NCEH1: variants seen among roughly 807,000 people sequenced by gnomAD.
NCEH1 encodes neutral cholesterol ester hydrolase 1, also known as 2-acetyl MAGE hydrolase.
A neutral mutation model predicts 25.4 loss-of-function variants in NCEH1; 9 were observed. The observed-to-expected ratio is 0.35, with a 90% confidence interval of 0.21 to 0.62. The LOEUF (loss-of-function observed/expected upper bound fraction) is 0.62, where lower values mean the gene tolerates loss of function less well. Among genes scored for constraint, NCEH1 ranks in the 20% least tolerant of loss-of-function variants. The pLI is 0.72. For synonymous variants in NCEH1, 200 were observed against 199.8 expected, an observed-to-expected ratio of 1.00 and a Z score of -0.01; for missense variants, 412 against 501.1, an observed-to-expected ratio of 0.82 and a Z score of 1.70.
chr3:172,661,844 T>G (rs1018338047), intron 1 of NCEH1, among the ~76,000 whole-genome samples: 5 of 152,178 alleles, frequency 3.3e-5, no homozygotes, highest in Non-Finnish European at 7.3e-5. Flanking sequence ...CTTTGCTGAA[T>G]TTGCTTATCA....
intron 1 of NCEH1, among the ~76,000 whole-genome samples, chr3:172,709,164 G>GTACA (rs1714168187): frequency 1.3e-5 from 2 of 152,208 alleles, no homozygotes; most frequent in African/African-American, 4.8e-5. Context: ...TAATGGGCTG[G>GTACA]CAAGCCTAGC....
At chr3:172,664,369 C>T (rs1405854850) in intron 1 of NCEH1, among the ~76,000 whole-genome samples, 1 of 152,142 alleles carries the variant, frequency 6.6e-6, no homozygotes, top group Non-Finnish European at 1.5e-5. Flanking sequence ...GTAACCTGAC[C>T]TTTCTCTCTG....
intron 3 of NCEH1, among the ~76,000 whole-genome samples, chr3:172,645,410 A>G (rs569634962): frequency 1.1e-4 from 16 of 152,340 alleles, no homozygotes; most frequent in African/African-American, 3.4e-4. Context: ...CTAACGGTGA[A>G]AAGGTAATTT....
intron 3 of NCEH1, among the ~76,000 whole-genome samples, chr3:172,640,709 G>C (rs935545106): frequency 6.6e-6 from 1 of 152,048 alleles, no homozygotes; most frequent in Non-Finnish European, 1.5e-5. Flanking sequence ...GGGTTTCACC[G>C]TGTTAGCCAG....
At chr3:172,678,988 G>T (rs1289011617) in intron 1 of NCEH1, among the ~76,000 whole-genome samples, 2 of 152,174 alleles carry the variant, frequency 1.3e-5, no homozygotes, top group Non-Finnish European at 2.9e-5. Context: ...AAGGAGGCAG[G>T]GTCATTTATA....
intron 1 of NCEH1, among the ~76,000 whole-genome samples, chr3:172,661,836 T>C (rs2108506501): frequency 6.6e-6 from 1 of 152,356 alleles, no homozygotes; most frequent in Non-Finnish European, 1.5e-5. Context: ...TCCTGAGACT[T>C]TGCTGAATTT....
At chr3:172,668,566 G>A (rs9845794) in intron 1 of NCEH1, among the ~76,000 whole-genome samples, 36,900 of 151,118 alleles carry the variant, frequency 0.24, 6,972 homozygotes, top group African/African-American at 0.53. Context: ...TTCTCTCTCC[G>A]ACTGGAATAT....
chr3:172,651,828 G>C (rs1717418368), intron 1 of NCEH1, among the ~76,000 whole-genome samples: 1 of 152,022 alleles, frequency 6.6e-6, no homozygotes, highest in Admixed American at 6.6e-5. Context: ...CAAAATGCTG[G>C]GATTACAGGC....
chr3:172,694,107 T>A (rs1214797719), intron 1 of NCEH1, among the ~76,000 whole-genome samples: 1 of 152,126 alleles, frequency 6.6e-6, no homozygotes, highest in Non-Finnish European at 1.5e-5. Context: ...TTGGCCAGGA[T>A]GATCTCAAAC....
chr3:172,655,306 G>C (rs913307556), intron 1 of NCEH1, among the ~76,000 whole-genome samples: 2 of 152,194 alleles, frequency 1.3e-5, no homozygotes, highest in Admixed American at 6.5e-5. Flanking sequence ...TCCACCTAAG[G>C]AGATGGAAGG....
intron 1 of NCEH1, among the ~76,000 whole-genome samples, chr3:172,688,294 C>T (rs1712812646): frequency 7.6e-6 from 1 of 132,234 alleles, no homozygotes; most frequent in Non-Finnish European, 1.5e-5. Flanking sequence ...CACGTCACTG[C>T]ACTCCAGCCT....
intron 1 of NCEH1, among the ~76,000 whole-genome samples, chr3:172,650,551 A>C (rs1327854993): frequency 6.6e-6 from 1 of 151,534 alleles, no homozygotes; most frequent in Non-Finnish European, 1.5e-5. Context: ...TGGGAGGCTG[A>C]GGCAGGAGAA....
At chr3:172,699,509 A>G (rs1205273580) in intron 1 of NCEH1, among the ~76,000 whole-genome samples, 3 of 152,182 alleles carry the variant, frequency 2.0e-5, no homozygotes, top group Non-Finnish European at 4.4e-5. Context: ...AAATGTGTGC[A>G]AGTCAAATAA....
intron 2 of NCEH1, among the ~76,000 whole-genome samples, chr3:172,647,579 G>A (rs1717178364): frequency 6.6e-6 from 1 of 152,176 alleles, no homozygotes; most frequent in South Asian, 2.1e-4. Flanking sequence ...TGCACAATAA[G>A]TTAGTCTGTG....
chr3:172,685,057 G>A (rs769637766), intron 1 of NCEH1, among the ~76,000 whole-genome samples: 1 of 150,796 alleles, frequency 6.6e-6, no homozygotes, highest in Non-Finnish European at 1.5e-5. Flanking sequence ...CACTTTGGGA[G>A]GCCAAGGCGG....
intron 3 of NCEH1, among the ~76,000 whole-genome samples, chr3:172,642,046 T>G (rs73038657): frequency 0.092 from 13,993 of 152,252 alleles, 781 homozygotes; most frequent in African/African-American, 0.16. Flanking sequence ...CTTACATTGT[T>G]ATGTCACCAG....
intron 1 of NCEH1, among the ~76,000 whole-genome samples, chr3:172,660,357 T>G (rs1446330048): frequency 1.3e-5 from 2 of 152,212 alleles, no homozygotes; most frequent in African/African-American, 4.8e-5. Context: ...CGCCACATTT[T>G]CTTAATCCAG....
chr3:172,673,543 G>A (rs1560195986), intron 1 of NCEH1, among the ~76,000 whole-genome samples: 1 of 152,188 alleles, frequency 6.6e-6, no homozygotes, highest in Non-Finnish European at 1.5e-5. Flanking sequence ...CCATTTGAAA[G>A]GAAAGGCATT....
chr3:172,684,269 A>G (rs969496050), intron 1 of NCEH1, among the ~76,000 whole-genome samples: 2 of 152,386 alleles, frequency 1.3e-5, no homozygotes. Context: ...ATACATATAT[A>G]GTGCTTGAGA....
Sources: allele counts gnomAD v4.1 joint callset (sites outside exome capture counted in the v4.1 genomes callset), GRCh38; gene constraint gnomAD v4.1.1; transcripts MANE v1.5; gene names NCBI Gene and HGNC (gene_info 2026-07-23, HGNC 2026-07-21).